SV2C: variants seen among roughly 807,000 people sequenced by gnomAD.
The protein encoded by SV2C is synaptic vesicle glycoprotein 2C.
A neutral mutation model predicts 79.7 loss-of-function variants in SV2C; 49 were observed. The observed-to-expected ratio is 0.61, with a 90% CI of 0.49 to 0.78. SV2C has a LOEUF of 0.78. Among genes scored for constraint, SV2C ranks in the 30% least tolerant of loss-of-function variants. SV2C has a pLI of 0.00. For synonymous variants in SV2C, 334 were observed against 333.2 expected (o/e 1.00, Z -0.03); for missense variants, 833 against 912.9 (o/e 0.91, Z 1.13).
the SV2C span, among the ~76,000 whole-genome samples, chr5:75,973,980 T>A: frequency 6.6e-6 from 1 of 152,002 alleles, no homozygotes; most frequent in African/African-American, 2.4e-5. Flanking sequence ...ATTAAAGGGA[T>A]TGAGAACCAT....
chr5:75,899,022 C>T, the SV2C span, among the ~76,000 whole-genome samples: 1 of 152,136 alleles, frequency 6.6e-6, no homozygotes, highest in Non-Finnish European at 1.5e-5. Context: ...AAAACCAGCT[C>T]CTGGATTCAT....
the SV2C span, among the ~76,000 whole-genome samples, chr5:76,032,961 C>T: frequency 4.6e-5 from 7 of 151,976 alleles, no homozygotes; most frequent in South Asian, 4.2e-4. Flanking sequence ...AGATGGTATC[C>T]CATTGTGGTT....
At chr5:76,182,058 A>T (rs1743751753) in intron 2 of SV2C, among the ~76,000 whole-genome samples, 1 of 152,092 alleles carries the variant, frequency 6.6e-6, no homozygotes, top group Admixed American at 6.6e-5. Context: ...CAAAAATGCC[A>T]TTCCACCTAT....
intron 4 of SV2C, among the ~76,000 whole-genome samples, chr5:76,257,522 G>A (rs893494853): frequency 1.3e-5 from 2 of 150,796 alleles, no homozygotes; most frequent in African/African-American, 4.9e-5. Context: ...GTGTGGTGTG[G>A]TGTATGAGCG....
At chr5:75,998,343 A>G in the SV2C span, among the ~76,000 whole-genome samples, 2 of 116,210 alleles carry the variant, frequency 1.7e-5, no homozygotes, top group Non-Finnish European at 4.1e-5. Flanking sequence ...AAGTATGATA[A>G]TAATAAAAAA....
intron 4 of SV2C, among the ~76,000 whole-genome samples, chr5:76,240,973 T>C (rs1323522361): frequency 1.3e-5 from 2 of 152,184 alleles, no homozygotes; most frequent in Non-Finnish European, 2.9e-5. Context: ...CACTTTTTTT[T>C]GAGATGGAGT....
the SV2C span, among the ~76,000 whole-genome samples, chr5:75,929,187 C>T: frequency 1.3e-5 from 2 of 152,178 alleles, no homozygotes; most frequent in Middle Eastern, 6.8e-3. Context: ...ACCCCTGTGT[C>T]CAGGGTTGAC....
intron 4 of SV2C, among the ~76,000 whole-genome samples, chr5:76,232,878 C>T (rs1465027908): frequency 7.0e-6 from 1 of 143,448 alleles, no homozygotes; most frequent in Non-Finnish European, 1.5e-5. Flanking sequence ...ATTGTGATGC[C>T]TCCAGCTTTG....
chr5:76,210,836 G>A (rs375606713), intron 4 of SV2C, among the ~76,000 whole-genome samples: 1 of 152,344 alleles, frequency 6.6e-6, no homozygotes, highest in East Asian at 1.9e-4. Context: ...CCAGGAAATA[G>A]AAGTGTCAGG....
the SV2C span, among the ~76,000 whole-genome samples, chr5:75,883,563 C>T: frequency 2.0e-5 from 3 of 147,204 alleles, no homozygotes; most frequent in African/African-American, 7.9e-5. Flanking sequence ...TGGAAATCAT[C>T]ATTCTCAGTA....
the SV2C span, among the ~76,000 whole-genome samples, chr5:75,940,017 A>G: frequency 6.6e-6 from 1 of 152,160 alleles, no homozygotes; most frequent in Non-Finnish European, 1.5e-5. Context: ...CTATCATTCC[A>G]TGTTGAAATT....
the SV2C span, among the ~76,000 whole-genome samples, chr5:75,900,188 G>C: frequency 1.3e-5 from 2 of 152,150 alleles, no homozygotes; most frequent in Admixed American, 1.3e-4. Flanking sequence ...CCATGATTTT[G>C]CAGTGGCTGG....
the SV2C span, among the ~76,000 whole-genome samples, chr5:75,918,330 A>G: frequency 2.0e-5 from 3 of 152,258 alleles, no homozygotes; most frequent in Non-Finnish European, 4.4e-5. Flanking sequence ...AAAGAAATAA[A>G]CAGGGGCTTT....
the SV2C span, among the ~76,000 whole-genome samples, chr5:75,952,528 G>T: frequency 2.0e-5 from 3 of 151,806 alleles, no homozygotes; most frequent in Non-Finnish European, 4.4e-5. Context: ...GGATCATATG[G>T]GTCAGAGCCC....
the SV2C span, among the ~76,000 whole-genome samples, chr5:76,062,158 GAGA>G: frequency 6.6e-6 from 1 of 151,988 alleles, no homozygotes; most frequent in East Asian, 1.9e-4. Context: ...AGGAGGGGAT[GAGA>G]AGGAGTCTGA....
intron 12 of SV2C, among the ~76,000 whole-genome samples, chr5:76,305,575 G>A (rs1264776860): frequency 6.6e-6 from 1 of 151,946 alleles, no homozygotes; most frequent in Non-Finnish European, 1.5e-5. Flanking sequence ...ATCTTGATTT[G>A]CCCCCTCTTA....
intron 4 of SV2C, among the ~76,000 whole-genome samples, chr5:76,283,844 T>G (rs909209510): frequency 1.8e-4 from 28 of 152,330 alleles, no homozygotes; most frequent in African/African-American, 6.5e-4. Flanking sequence ...AGATTCTGTC[T>G]CAAGTCCTGG....
intron 2 of SV2C, among the ~76,000 whole-genome samples, chr5:76,193,279 G>T (rs1744162857): frequency 6.6e-6 from 1 of 152,124 alleles, no homozygotes; most frequent in African/African-American, 2.4e-5. Context: ...ATTCTCAGGG[G>T]TCTGAAAGTC....
chr5:76,145,598 G>A (rs370565169), intron 2 of SV2C, among the ~76,000 whole-genome samples: 1 of 152,302 alleles, frequency 6.6e-6, no homozygotes, highest in East Asian at 1.9e-4. Flanking sequence ...ATGATGCAAA[G>A]GCCTGCCCTT....
Sources: gnomAD v4.1 joint callset for allele counts (sites outside exome capture counted in the v4.1 genomes callset) on GRCh38, gnomAD v4.1.1 for gene constraint, MANE v1.5 for transcripts, NCBI Gene and HGNC (gene_info 2026-07-23, HGNC 2026-07-21) for gene names.